NTM: variants seen among roughly 807,000 people sequenced by gnomAD.
NTM encodes the protein neurotrimin.
A neutral mutation model predicts 42.1 loss-of-function variants in NTM; 13 were observed. That is an observed-to-expected ratio of 0.31 (90% CI 0.20 to 0.49). NTM has a LOEUF of 0.49. Ranked by LOEUF, NTM falls within the 20% of genes least tolerant of loss-of-function variation. The probability of loss-of-function intolerance (pLI) is 0.99; values close to 1 mark genes in which losing one functional copy is unlikely to be tolerated. For synonymous variants in NTM, 187 were observed against 179.2 expected (o/e 1.04, Z -0.35); for missense variants, 373 against 452.8 (o/e 0.82, Z 1.60).
intron 2 of NTM, among the ~76,000 whole-genome samples, chr11:132,084,271 CAAAG>C (rs1236457050): frequency 2.6e-5 from 4 of 152,054 alleles, no homozygotes; most frequent in Non-Finnish European, 4.4e-5. Context: ...ACATGATTGA[CAAAG>C]AAATTTGGTT....
At position 132,290,845 on chromosome 11, in the gene NTM, C is replaced by G. The variant is rs886649891; in HGVS notation, c.527-16844C>G. Among the ~76,000 whole-genome samples the G allele has an allele frequency of 2.0e-5, 3 of 152,134 alleles. No individual in the cohort carries two copies. In the South Asian group the frequency reaches 6.2e-4, roughly 31 times the overall value. On this transcript the variant is annotated intron_variant, in intron 4 of 8. Transcript: ENST00000683400. Reference sequence around the variant, plus strand: ...CAGAAGGATTCTTATACGAGCTGAACTTAAGCTGTAACCTGAAAGAAAGAA... The same window carrying G: ...CAGAAGGATTCTTATACGAGCTGAAGTTAAGCTGTAACCTGAAAGAAAGAA...
chr11:131,864,774 G>A (rs1247169968), intron 1 of NTM, among the ~76,000 whole-genome samples: 2 of 152,184 alleles, frequency 1.3e-5, no homozygotes, highest in African/African-American at 4.8e-5. Context: ...ACTGGTGAGA[G>A]GGAGCTTGTT....
intron 1 of NTM, among the ~76,000 whole-genome samples, chr11:131,788,891 G>C (rs1161269561): frequency 6.6e-6 from 1 of 152,108 alleles, no homozygotes; most frequent in African/African-American, 2.4e-5. Flanking sequence ...TGGCCACCTG[G>C]GAAGGAAGAT....
intron 1 of NTM, among the ~76,000 whole-genome samples, chr11:131,854,316 T>C (rs547978713): frequency 6.6e-6 from 1 of 152,320 alleles, no homozygotes; most frequent in South Asian, 2.1e-4. Context: ...AATGAAAAGG[T>C]ACAGCATTAA....
At chr11:131,610,627 A>G (rs1031679739) in intron 1 of NTM, among the ~76,000 whole-genome samples, 2 of 152,164 alleles carry the variant, frequency 1.3e-5, no homozygotes, top group Non-Finnish European at 2.9e-5. Context: ...TTAAGTGAGG[A>G]AGCATTCAGG....
chr11:131,449,171 A>T (rs1199234332), intron 1 of NTM, among the ~76,000 whole-genome samples: 11 of 152,194 alleles, frequency 7.2e-5, no homozygotes, highest in African/African-American at 2.7e-4. Flanking sequence ...TCTCATCAGC[A>T]CGGACACCGT....
chr11:131,429,922 C>T (rs1320025628), intron 1 of NTM, among the ~76,000 whole-genome samples: 1 of 152,180 alleles, frequency 6.6e-6, no homozygotes, highest in Non-Finnish European at 1.5e-5. Flanking sequence ...TGTTGGTTTA[C>T]TTCTCAGTCT....
intron 1 of NTM, among the ~76,000 whole-genome samples, chr11:131,622,208 A>G (rs1446282551): frequency 6.6e-6 from 1 of 152,270 alleles, no homozygotes; most frequent in Non-Finnish European, 1.5e-5. Flanking sequence ...CTAAAAAGCC[A>G]GCAAGTTTCA....
At chr11:131,486,910 T>C (rs1330255651) in intron 1 of NTM, among the ~76,000 whole-genome samples, 1 of 152,168 alleles carries the variant, frequency 6.6e-6, no homozygotes, top group Non-Finnish European at 1.5e-5. Flanking sequence ...AAATAATGCA[T>C]AATGCCCAGA....
At chr11:132,091,442 C>A (rs905093283) in intron 2 of NTM, among the ~76,000 whole-genome samples, 3 of 151,842 alleles carry the variant, frequency 2.0e-5, no homozygotes, top group Admixed American at 6.6e-5. Context: ...AATAAATTAT[C>A]TTTTCATAGT....
In NTM at chr11:132,002,555, T is replaced by TC. The variant is rs539634343; in HGVS notation, c.167+90912dup. Among the ~76,000 whole-genome samples, 525 of 152,314 alleles carry TC rather than the reference T, an allele frequency of 3.4e-3. 9 individuals are homozygous for TC. The highest frequency in any genetic ancestry group is 0.012 in the African/African-American group (499 of 41,558). ...GAATGAAATGATGTGTTGGTGTCTG[T>TC]CCCCCAAATTGGAGGCTTCTGGCCA... On this transcript the variant is annotated intron_variant, in intron 2 of 8. Coordinates refer to ENST00000683400, the MANE Select transcript of NTM (RefSeq NM_001352005.2). The surrounding 1 kb of genome is among the most constrained non-coding windows in gnomAD (Gnocchi z 4.5).
At chr11:132,317,807 A>G (rs2095470464) in intron 7 of NTM, 6 of 481,796 alleles carry the variant, frequency 1.2e-5, no homozygotes, top group Non-Finnish European at 2.2e-5. Context: ...AGGATGTGGA[A>G]GGCTATTGAA....
intron 1 of NTM, among the ~76,000 whole-genome samples, chr11:131,593,245 G>T (rs1442690360): frequency 6.6e-6 from 1 of 152,070 alleles, no homozygotes; most frequent in East Asian, 1.9e-4. Flanking sequence ...TAATTGCTAG[G>T]TCTCCTCTTT....
chr11:131,802,013 AT>A (rs35008589), intron 1 of NTM, among the ~76,000 whole-genome samples: 103,691 of 151,860 alleles, frequency 0.68, 35,748 homozygotes, highest in East Asian at 0.79. Context: ...GCCTTGTATA[AT>A]TTTTTTAGGT....
rs570139086 is a variant in NTM, at chr11:131,688,947, G to A, written c.83-222617G>A. Among the ~76,000 whole-genome samples, 94 of 152,302 alleles carry A rather than the reference G, an allele frequency of 6.2e-4. 1 individual carries two copies. The highest frequency in any genetic ancestry group is 2.2e-3 in the African/African-American group (91 of 41,552). ...GAGGTGTTTCCTTAGGATTGTTAGA[G>A]CCCTGGTGCGTTCTGCAGGACACAC... On this transcript the variant is annotated intron_variant, in intron 1 of 8. Coordinates refer to ENST00000683400, the MANE Select transcript of NTM (RefSeq NM_001352005.2).
chr11:131,836,370 TG>T (rs1260917395), intron 1 of NTM, among the ~76,000 whole-genome samples: 1 of 152,178 alleles, frequency 6.6e-6, no homozygotes, highest in Non-Finnish European at 1.5e-5. Context: ...TAAATCTTCT[TG>T]GATCTAAATA....
intron 1 of NTM, among the ~76,000 whole-genome samples, chr11:131,853,791 G>A (rs937207521): frequency 3.3e-5 from 5 of 152,086 alleles, no homozygotes; most frequent in African/African-American, 1.2e-4. Context: ...TGATATTTCT[G>A]CCTCTAGGTC....
intron 1 of NTM, among the ~76,000 whole-genome samples, chr11:131,505,953 T>C (rs1318767294): frequency 6.6e-6 from 1 of 152,066 alleles, no homozygotes; most frequent in Non-Finnish European, 1.5e-5. Flanking sequence ...GTGCCTCTGT[T>C]ATTGCCCTTT....
chr11:131,542,212 C>T (rs1173378293), intron 1 of NTM, among the ~76,000 whole-genome samples: 2 of 152,180 alleles, frequency 1.3e-5, no homozygotes, highest in Non-Finnish European at 2.9e-5. Flanking sequence ...CCCGGCACAG[C>T]TCGGAAGGTC....
Sources: gnomAD v4.1 joint callset for allele counts (sites outside exome capture counted in the v4.1 genomes callset) on GRCh38, gnomAD v4.1.1 for gene constraint, Gnocchi (gnomAD v3.1) non-coding constraint, MANE v1.5 for transcripts, NCBI Gene and HGNC (gene_info 2026-07-23, HGNC 2026-07-21) for gene names.